Variants in MAML3 observed in about 807,000 individuals in gnomAD.
MAML3 encodes mastermind like transcriptional coactivator 3.
Under a neutral mutation model 101.9 loss-of-function variants are expected in MAML3, and 27 were observed. That is an observed-to-expected ratio of 0.27 (90% CI 0.20 to 0.37). The LOEUF (loss-of-function observed/expected upper bound fraction) is 0.37. Among genes scored for constraint, MAML3 ranks in the 10% least tolerant of loss-of-function variants. The probability of loss-of-function intolerance (pLI) is 1.00; values close to 1 mark genes in which losing one functional copy is unlikely to be tolerated. For missense variants in MAML3, 1,316 were observed against 1,444.9 expected, an observed-to-expected ratio of 0.91 and a Z score of 1.45; for synonymous variants, 501 against 555.9, an observed-to-expected ratio of 0.90 and a Z score of 1.39.
intron 1 of MAML3, among the ~76,000 whole-genome samples, chr4:139,966,642 G>A (rs1349177203): frequency 1.3e-5 from 2 of 152,000 alleles, no homozygotes; most frequent in Non-Finnish European, 1.5e-5. Context: ...CTCTACCAGC[G>A]GATCTTCACA....
chr4:140,085,144 T>C (rs925841323), intron 1 of MAML3, among the ~76,000 whole-genome samples: 1 of 152,218 alleles, frequency 6.6e-6, no homozygotes, highest in Non-Finnish European at 1.5e-5. Context: ...TTTGTTTACA[T>C]ACCAGCCACA....
At chr4:140,114,581 A>G (rs928290472) in intron 1 of MAML3, among the ~76,000 whole-genome samples, 1 of 152,212 alleles carries the variant, frequency 6.6e-6, no homozygotes, top group African/African-American at 2.4e-5. Flanking sequence ...ACTAAGTATC[A>G]ATGTATTTCT....
At chr4:139,833,818 G>T (rs1731212953) in intron 2 of MAML3, among the ~76,000 whole-genome samples, 1 of 152,040 alleles carries the variant, frequency 6.6e-6, no homozygotes, top group Admixed American at 6.6e-5. Flanking sequence ...TGGGGGTGGG[G>T]GCTCTCCACC....
chr4:139,999,463 G>C (rs1734880914), intron 1 of MAML3, among the ~76,000 whole-genome samples: 1 of 152,328 alleles, frequency 6.6e-6, no homozygotes, highest in South Asian at 2.1e-4. Flanking sequence ...AGTTTTTCTA[G>C]TATAAATGCT....
intron 2 of MAML3, among the ~76,000 whole-genome samples, chr4:139,756,359 C>G (rs1164154876): frequency 6.6e-6 from 1 of 152,146 alleles, no homozygotes; most frequent in Non-Finnish European, 1.5e-5. Flanking sequence ...TATGCTCCAT[C>G]AAGACACAGG....
intron 1 of MAML3, among the ~76,000 whole-genome samples, chr4:139,908,916 C>T: frequency 6.6e-6 from 1 of 152,178 alleles, no homozygotes; most frequent in Non-Finnish European, 1.5e-5. Context: ...TATGTATACT[C>T]TAATACAGTA....
At chr4:139,924,462 G>GT (rs780667327) in intron 1 of MAML3, among the ~76,000 whole-genome samples, 2 of 151,678 alleles carry the variant, frequency 1.3e-5, no homozygotes, top group Non-Finnish European at 2.9e-5. Flanking sequence ...TTTCTAATTT[G>GT]TAACACACGA....
In MAML3 at chr4:139,717,121, CT is replaced by C. The variant is rs1266484721; in HGVS notation, c.*2201del. On this transcript the variant is annotated 3_prime_UTR_variant, in exon 5 of 5. Transcript: ENST00000509479. Reference sequence around the variant, plus strand: ...ATTGTAAAAACTTATGTACAAATAACTTTTTTTAGACATTACATATACATCA... The same window carrying C: ...ATTGTAAAAACTTATGTACAAATAACTTTTTTAGACATTACATATACATCA... 6.6e-6 allele frequency: 1 copy of C among 152,576 alleles called. No homozygotes were observed. The allele number at this position is 152,576 out of a possible 1,614,324, so 9.5% of individuals were successfully genotyped here.
intron 1 of MAML3, among the ~76,000 whole-genome samples, chr4:139,960,457 G>GGGTA (rs1434194997): frequency 3.9e-5 from 6 of 152,176 alleles, no homozygotes; most frequent in Non-Finnish European, 8.8e-5. Flanking sequence ...GCTATACCAA[G>GGGTA]GGTAGGTTGG....
intron 1 of MAML3, among the ~76,000 whole-genome samples, chr4:139,948,430 A>T (rs1733775085): frequency 6.6e-6 from 1 of 152,236 alleles, no homozygotes; most frequent in South Asian, 2.1e-4. Context: ...CTATTTTCTC[A>T]TCAGGAAACT....
chr4:139,912,774 A>G (rs1358487511), intron 1 of MAML3, among the ~76,000 whole-genome samples: 2 of 152,242 alleles, frequency 1.3e-5, no homozygotes, highest in Non-Finnish European at 2.9e-5. Context: ...CTGGAAACCA[A>G]GAAGAGTTAA....
chr4:139,964,770 T>C (rs1734094328), intron 1 of MAML3, among the ~76,000 whole-genome samples: 2 of 152,176 alleles, frequency 1.3e-5, no homozygotes, highest in Admixed American at 1.3e-4. Context: ...CTTCTACTTA[T>C]TTTAGATTTC....
At chr4:140,026,210 C>G (rs1227681112) in intron 1 of MAML3, among the ~76,000 whole-genome samples, 1 of 151,914 alleles carries the variant, frequency 6.6e-6, no homozygotes, top group Admixed American at 6.6e-5. Context: ...GTGTGTGTGT[C>G]TGTGTGCATA....
At chr4:139,749,147 T>C (rs1729419513) in intron 2 of MAML3, among the ~76,000 whole-genome samples, 1 of 152,218 alleles carries the variant, frequency 6.6e-6, no homozygotes, top group East Asian at 1.9e-4. Flanking sequence ...AGGCAAAGAA[T>C]GGTTTATAAA....
At chr4:139,841,562 T>C (rs892091941) in intron 2 of MAML3, among the ~76,000 whole-genome samples, 3 of 152,250 alleles carry the variant, frequency 2.0e-5, no homozygotes, top group African/African-American at 7.2e-5. Flanking sequence ...GACCCCTGGC[T>C]GCAGCTCTAA....
chr4:139,807,252 C>CTT (rs1730718150), intron 2 of MAML3, among the ~76,000 whole-genome samples: 1 of 151,638 alleles, frequency 6.6e-6, no homozygotes, highest in Non-Finnish European at 1.5e-5. Flanking sequence ...GCTTTGCAAA[C>CTT]TGTAAAGTAT....
chr4:139,808,978 G>T (rs1730745955), intron 2 of MAML3, among the ~76,000 whole-genome samples: 1 of 152,112 alleles, frequency 6.6e-6, no homozygotes, highest in Non-Finnish European at 1.5e-5. Flanking sequence ...GAGAAAGAAA[G>T]AATGTCGGTG....
chr4:139,975,323 T>G (rs968198421), intron 1 of MAML3, among the ~76,000 whole-genome samples: 5 of 152,210 alleles, frequency 3.3e-5, no homozygotes, highest in Admixed American at 6.5e-5. Context: ...TCTCCATGTT[T>G]GGCTACTCCT....
intron 2 of MAML3, among the ~76,000 whole-genome samples, chr4:139,852,403 G>GTTTTTTTTTTTGTTGTTGTTT (rs1731572633): frequency 1.5e-4 from 10 of 68,350 alleles, no homozygotes; most frequent in African/African-American, 6.6e-4. Flanking sequence ...TCAGAAGACT[G>GTTTTTTTTTTTGTTGTTGTTT]TTTTTTTTTT....
Sources: gnomAD v4.1 joint callset for allele counts (sites outside exome capture counted in the v4.1 genomes callset) on GRCh38, gnomAD v4.1.1 for gene constraint, MANE v1.5 for transcripts, NCBI Gene and HGNC (gene_info 2026-07-23, HGNC 2026-07-21) for gene names.